GPC5: variants seen among roughly 807,000 people sequenced by gnomAD.
The protein encoded by GPC5 is glypican 5.
GPC5 carries 47 observed loss-of-function variants against 53.9 expected under a neutral mutation model. The observed-to-expected ratio is 0.87, with a 90% CI of 0.69 to 1.11. The LOEUF (loss-of-function observed/expected upper bound fraction) is 1.11. GPC5 is among the 50% of genes most tolerant of loss of function. The pLI is 0.00. For missense variants in GPC5, 748 were observed against 713.1 expected (o/e 1.05, Z -0.56); for synonymous variants, 286 against 263.3 (o/e 1.09, Z -0.84).
intron 3 of GPC5, among the ~76,000 whole-genome samples, chr13:91,714,841 A>G (rs2036301759): frequency 6.6e-6 from 1 of 152,162 alleles, no homozygotes; most frequent in Non-Finnish European, 1.5e-5. Flanking sequence ...CCGGGAAAGA[A>G]CTTAAGGGTC....
intron 5 of GPC5, among the ~76,000 whole-genome samples, chr13:91,851,870 T>C (rs7988652): frequency 0.045 from 5,378 of 118,432 alleles, 108 homozygotes; most frequent in East Asian, 0.098. Context: ...ATGGTGTATA[T>C]GTGCCACATT....
intron 5 of GPC5, among the ~76,000 whole-genome samples, chr13:91,801,542 T>C (rs1203903943): frequency 2.0e-5 from 3 of 152,158 alleles, no homozygotes; most frequent in Non-Finnish European, 2.9e-5. Context: ...TTGGACCATA[T>C]AGCTGATGAC....
chr13:91,495,721 CAAACACTGAT>C (rs1884216160), intron 2 of GPC5, among the ~76,000 whole-genome samples: 1 of 152,198 alleles, frequency 6.6e-6, no homozygotes, highest in Non-Finnish European at 1.5e-5. Flanking sequence ...ATAGGGAAAA[CAAACACTGAT>C]AACAAATGAA....
chr13:91,430,290 ACCTTGGGT>A (rs1226544259), intron 1 of GPC5, among the ~76,000 whole-genome samples: 9 of 152,180 alleles, frequency 5.9e-5, no homozygotes, highest in Admixed American at 5.9e-4. Context: ...AGATGGGCAT[ACCTTGGGT>A]CCAGGATTAG....
At chr13:92,519,692 G>T (rs1028576173) in intron 7 of GPC5, among the ~76,000 whole-genome samples, 5 of 152,042 alleles carry the variant, frequency 3.3e-5, no homozygotes, top group African/African-American at 1.2e-4. Context: ...ATCTAAAATT[G>T]ACACCCTAAC....
At chr13:92,381,268 A>G (rs778659572) in intron 7 of GPC5, among the ~76,000 whole-genome samples, 1 of 152,136 alleles carries the variant, frequency 6.6e-6, no homozygotes, top group Non-Finnish European at 1.5e-5. Context: ...AACTGCCTCT[A>G]GTTTTGCAAA....
intron 2 of GPC5, among the ~76,000 whole-genome samples, chr13:91,564,993 T>TGG (rs66999708): frequency 0.077 from 9,023 of 117,620 alleles, 303 homozygotes; most frequent in Non-Finnish European, 0.086. Context: ...GGCTTTTTTT[T>TGG]GGGGGGGGGT....
chr13:91,422,940 A>G (rs559128745), intron 1 of GPC5, among the ~76,000 whole-genome samples: 5 of 152,324 alleles, frequency 3.3e-5, no homozygotes, highest in South Asian at 4.1e-4. Context: ...ATACTGTTAC[A>G]TTGCAGATTA....
At chr13:92,664,420 G>A (rs1287576153) in intron 7 of GPC5, among the ~76,000 whole-genome samples, 1 of 149,932 alleles carries the variant, frequency 6.7e-6, no homozygotes, top group African/African-American at 2.5e-5. Flanking sequence ...GCTTCCTGTT[G>A]GATTGTTTTG....
At chr13:91,675,475 C>G (rs2035361277) in intron 2 of GPC5, among the ~76,000 whole-genome samples, 1 of 152,086 alleles carries the variant, frequency 6.6e-6, no homozygotes, top group Non-Finnish European at 1.5e-5. Flanking sequence ...ATGCCTGGTG[C>G]TTAGAAGTAC....
chr13:92,390,918 G>A (rs1874973122), intron 7 of GPC5, among the ~76,000 whole-genome samples: 1 of 152,046 alleles, frequency 6.6e-6, no homozygotes. Flanking sequence ...TAATCAATGT[G>A]TAGATTAATT....
At chr13:92,777,117 G>T (rs544353797) in intron 7 of GPC5, among the ~76,000 whole-genome samples, 9 of 151,134 alleles carry the variant, frequency 6.0e-5, no homozygotes, top group African/African-American at 1.9e-4. Context: ...AGATCACGAG[G>T]TCAGGAGTTC....
chr13:92,235,029 A>G (rs180943886), intron 7 of GPC5, among the ~76,000 whole-genome samples: 1 of 152,182 alleles, frequency 6.6e-6, no homozygotes, highest in Non-Finnish European at 1.5e-5. Context: ...TCCCTAAGAA[A>G]ATCTTAAAAT....
chr13:91,826,517 C>A lies in GPC5; in HGVS notation c.1280+70097C>A, dbSNP rs945514272. Among the ~76,000 whole-genome samples the A allele has an allele frequency of 3.9e-5, 6 of 152,048 alleles. No homozygotes were observed. In the East Asian group the frequency reaches 1.2e-3, roughly 29 times the overall value. ...AGTAAAATACCAAAGTCTCAAGAGGCTGTTTTATATTAAATTACAAAATAT... is the reference window on the plus strand; with the variant it reads ...AGTAAAATACCAAAGTCTCAAGAGGATGTTTTATATTAAATTACAAAATAT... On this transcript the variant is annotated intron_variant, in intron 5 of 7. Coordinates refer to ENST00000377067, the MANE Select transcript of GPC5 (RefSeq NM_004466.6).
At chr13:91,936,189 C>G (rs1857358396) in intron 6 of GPC5, among the ~76,000 whole-genome samples, 1 of 151,970 alleles carries the variant, frequency 6.6e-6, no homozygotes, top group Non-Finnish European at 1.5e-5. Flanking sequence ...TTCTGTCTCA[C>G]CAAACCAACC....
At chr13:92,704,385 G>C (rs2139256739) in intron 7 of GPC5, among the ~76,000 whole-genome samples, 1 of 151,974 alleles carries the variant, frequency 6.6e-6, no homozygotes, top group Non-Finnish European at 1.5e-5. Flanking sequence ...GCAGAATAAA[G>C]TTTTCTCATT....
chr13:92,384,863 C>A (rs1057128143), intron 7 of GPC5, among the ~76,000 whole-genome samples: 2 of 152,006 alleles, frequency 1.3e-5, no homozygotes, highest in South Asian at 4.1e-4. Context: ...AAAACATGAC[C>A]TCTAAAATTG....
intron 7 of GPC5, among the ~76,000 whole-genome samples, chr13:92,278,303 C>G (rs141855829): frequency 6.6e-6 from 1 of 152,080 alleles, no homozygotes; most frequent in African/African-American, 2.4e-5. Context: ...ACCGTAACCA[C>G]TTTGATAATA....
At chr13:91,499,287 T>G (rs948049738) in intron 2 of GPC5, among the ~76,000 whole-genome samples, 1 of 152,188 alleles carries the variant, frequency 6.6e-6, no homozygotes, top group Non-Finnish European at 1.5e-5. Flanking sequence ...CATATTATTT[T>G]GTTCCATAGG....
Sources: gnomAD v4.1 joint callset for allele counts (sites outside exome capture counted in the v4.1 genomes callset) on GRCh38, gnomAD v4.1.1 for gene constraint, MANE v1.5 for transcripts, NCBI Gene and HGNC (gene_info 2026-07-23, HGNC 2026-07-21) for gene names.